The following NCK2 variants were observed in gnomAD, a reference collection of about 807,000 sequenced individuals.
NCK2 encodes the protein NCK adaptor protein 2.
In NCK2, 16 loss-of-function variants were observed where a neutral mutation model predicts 33.9. The observed-to-expected ratio is 0.47, with a 90% CI of 0.32 to 0.72. The LOEUF (loss-of-function observed/expected upper bound fraction) is 0.72, where lower values mean the gene tolerates loss of function less well. Among genes scored for constraint, NCK2 ranks in the 30% least tolerant of loss-of-function variants. The pLI is 0.03. For synonymous variants in NCK2, 273 were observed against 239.9 expected, an observed-to-expected ratio of 1.14 and a Z score of -1.27; for missense variants, 418 against 537.3, an observed-to-expected ratio of 0.78 and a Z score of 2.19.
chr2:105,768,449 G>A (rs115587318), intron 1 of NCK2, among the ~76,000 whole-genome samples: 2,863 of 152,250 alleles, frequency 0.019, 48 homozygotes, highest in Non-Finnish European at 0.022. Context: ...CCAGTTGCAT[G>A]TCCTAAGCCA....
chr2:105,871,526 C>T lies in NCK2; in HGVS notation c.227-9802C>T, dbSNP rs142857338. Among the ~76,000 whole-genome samples, 17 of 151,740 alleles carry T rather than the reference C, an allele frequency of 1.1e-4. No individual in the cohort carries two copies. In the East Asian group the frequency reaches 2.9e-3, roughly 26 times the overall value. On this transcript the variant is annotated intron_variant, in intron 3 of 4. Coordinates refer to ENST00000233154, the MANE Select transcript of NCK2 (RefSeq NM_003581.5). ...TTCTTTTTTTTTTGAGACAGAGTCT[C>T]CCTCTGTCGCCCAGGCTGGAGTGCA... is the stretch of plus-strand genomic sequence containing the variant.
At chr2:105,776,843 CTT>C (rs1482298354) in intron 1 of NCK2, among the ~76,000 whole-genome samples, 1 of 151,968 alleles carries the variant, frequency 6.6e-6, no homozygotes, top group African/African-American at 2.4e-5. Flanking sequence ...GCTGACCTCA[CTT>C]TTCAGATAAT....
intron 1 of NCK2, among the ~76,000 whole-genome samples, chr2:105,767,110 C>T (rs967800267): frequency 5.9e-5 from 9 of 152,210 alleles, no homozygotes; most frequent in African/African-American, 1.9e-4. Flanking sequence ...CTGCTTATCT[C>T]TCTGGAGCCA....
At chr2:105,886,191 G>T (rs1341680561) in intron 4 of NCK2, among the ~76,000 whole-genome samples, 3 of 152,202 alleles carry the variant, frequency 2.0e-5, no homozygotes, top group Non-Finnish European at 4.4e-5. Flanking sequence ...GTACCAAATG[G>T]AAGTTTTAAG....
At chr2:105,773,016 T>C (rs1033244179) in intron 1 of NCK2, among the ~76,000 whole-genome samples, 9 of 151,476 alleles carry the variant, frequency 5.9e-5, no homozygotes, top group Non-Finnish European at 1.2e-4. Flanking sequence ...CTCTGCCTCC[T>C]TAGTAGCTGG....
In NCK2 at chr2:105,875,005, T is replaced by C. The variant is rs150755273; in HGVS notation, c.227-6323T>C. 3.0e-3 allele frequency among the ~76,000 whole-genome samples: 455 copies of C among 152,358 alleles called. 1 individual carries two copies. Among genetic ancestry groups the C allele is most frequent in the African/African-American group, 9.9e-3 (410 of 41,584 alleles). ...AAAATTATACTTTCTGTCTGCTCAC[T>C]GAGTGACAAATGTTATTACCTGCAG... On this transcript the variant is annotated intron_variant, in intron 3 of 4. Coordinates refer to ENST00000233154, the MANE Select transcript of NCK2 (RefSeq NM_003581.5).
intron 1 of NCK2, among the ~76,000 whole-genome samples, chr2:105,779,564 C>A (rs1690420339): frequency 6.6e-6 from 1 of 152,210 alleles, no homozygotes; most frequent in Non-Finnish European, 1.5e-5. Context: ...AGCCTCCTGG[C>A]TGCAGACCTG....
intron 1 of NCK2, among the ~76,000 whole-genome samples, chr2:105,768,906 A>G (rs1439545321): frequency 6.6e-6 from 1 of 152,176 alleles, no homozygotes; most frequent in Non-Finnish European, 1.5e-5. Context: ...TGAGTTCATG[A>G]CGTGGAGGCT....
rs1438818953 is a variant in NCK2 at position 105,760,354 on chromosome 2, C to T, written c.-201+15216C>T. ...AATTCCGGGGAACTGCCTGACTTCC[C>T]GCGTGGGATAGGTTGGTCTGGAATT... On this transcript the variant is annotated intron_variant, in intron 1 of 4. Transcript: ENST00000233154. 2.6e-5 allele frequency among the ~76,000 whole-genome samples: 4 copies of T among 152,142 alleles called. No homozygotes were observed. In the East Asian group the frequency reaches 7.7e-4, roughly 29 times the overall value.
At chr2:105,861,370 G>A (rs1012022234) in intron 3 of NCK2, among the ~76,000 whole-genome samples, 2 of 152,194 alleles carry the variant, frequency 1.3e-5, no homozygotes, top group African/African-American at 4.8e-5. Flanking sequence ...TCTGGCTCGT[G>A]CACCAGGTTC....
At chr2:105,761,819 G>A (rs1490429492) in intron 1 of NCK2, among the ~76,000 whole-genome samples, 1 of 152,194 alleles carries the variant, frequency 6.6e-6, no homozygotes, top group Admixed American at 6.5e-5. Flanking sequence ...GGTCCAGGCT[G>A]CAGTGAGCCG....
chr2:105,798,912 G>T (rs1182783793), intron 1 of NCK2, among the ~76,000 whole-genome samples: 1 of 152,190 alleles, frequency 6.6e-6, no homozygotes, highest in Admixed American at 6.5e-5. Context: ...CCAGGTTGTT[G>T]TCATCACACT....
At chr2:105,854,377 A>T (rs1179388016) in intron 2 of NCK2, 1 of 152,196 alleles carries the variant, frequency 6.6e-6, no homozygotes, top group Non-Finnish European at 1.5e-5. Context: ...TTATATTTAT[A>T]AAAAAGTTCC....
At chr2:105,873,824 C>T (rs1485790756) in intron 3 of NCK2, among the ~76,000 whole-genome samples, 1 of 152,222 alleles carries the variant, frequency 6.6e-6, no homozygotes, top group Admixed American at 6.5e-5. Context: ...TCCCTGCTCA[C>T]CTCTGCCCTT....
intron 2 of NCK2, 134 bp downstream of exon 2, chr2:105,816,747 A>G (rs1323305045): frequency 1.3e-5 from 2 of 152,160 alleles, no homozygotes; most frequent in African/African-American, 4.8e-5. Context: ...TTAAGCTTTC[A>G]ATGAGGGAGA....
At chr2:105,837,857 C>T (rs1676491287) in intron 2 of NCK2, among the ~76,000 whole-genome samples, 1 of 152,154 alleles carries the variant, frequency 6.6e-6, no homozygotes, top group Non-Finnish European at 1.5e-5. Flanking sequence ...TGTTTATTCA[C>T]CATTTGTGCT....
intron 3 of NCK2, among the ~76,000 whole-genome samples, chr2:105,870,202 A>C (rs1677942465): frequency 6.6e-6 from 1 of 152,236 alleles, no homozygotes; most frequent in African/African-American, 2.4e-5. Flanking sequence ...CCACGGGGCC[A>C]AGCAGGGGCC....
At chr2:105,823,073 G>T (rs1021164186) in intron 2 of NCK2, among the ~76,000 whole-genome samples, 1 of 151,752 alleles carries the variant, frequency 6.6e-6, no homozygotes, top group African/African-American at 2.4e-5. Context: ...TCTCAAACTA[G>T]GAAAAGCAGA....
intron 1 of NCK2, among the ~76,000 whole-genome samples, chr2:105,753,138 T>G (rs1220749290): frequency 6.6e-6 from 1 of 152,252 alleles, no homozygotes. Context: ...AACTGTAAAC[T>G]TTTATTATGG....
Sources: allele counts gnomAD v4.1 joint callset (sites outside exome capture counted in the v4.1 genomes callset), GRCh38; gene constraint gnomAD v4.1.1; transcripts MANE v1.5; gene names NCBI Gene and HGNC (gene_info 2026-07-23, HGNC 2026-07-21).